CNIH3: variants seen among roughly 807,000 people sequenced by gnomAD.
CNIH3 encodes protein cornichon homolog 3.
Under a neutral mutation model 24.1 loss-of-function variants are expected in CNIH3, and 14 were observed. That is an observed-to-expected ratio of 0.58 (90% CI 0.38 to 0.91). CNIH3 has a LOEUF of 0.91. Ranked by LOEUF, CNIH3 falls within the 40% of genes least tolerant of loss-of-function variation. CNIH3 has a pLI of 0.00. For synonymous variants in CNIH3, 68 were observed against 73.8 expected (o/e 0.92, Z 0.40); for missense variants, 178 against 196.8 (o/e 0.90, Z 0.57).
At chr1:224,575,980 C>T (rs1380447316) in intron 4 of CNIH3, among the ~76,000 whole-genome samples, 6 of 152,102 alleles carry the variant, frequency 3.9e-5, no homozygotes, top group African/African-American at 7.2e-5. Flanking sequence ...AGATATGGAT[C>T]TTACAGCATC....
At chr1:224,474,667 G>C (rs949719749) in intron 1 of CNIH3, among the ~76,000 whole-genome samples, 8 of 152,010 alleles carry the variant, frequency 5.3e-5, no homozygotes, top group African/African-American at 1.9e-4. Flanking sequence ...CAAAAAGTTG[G>C]TTTTCTGAAA....
chr1:224,610,556 G>A (rs1682643980), intron 3 of CNIH3, among the ~76,000 whole-genome samples: 1 of 152,164 alleles, frequency 6.6e-6, no homozygotes. Context: ...GGCCTCCCCA[G>A]CCATGCTGAA....
chr1:224,548,571 A>C (rs2794808), intron 3 of CNIH3, among the ~76,000 whole-genome samples: 4 of 151,776 alleles, frequency 2.6e-5, no homozygotes, highest in Non-Finnish European at 4.4e-5. Context: ...GATATTATTC[A>C]TTATTTCTAA....
intron 1 of CNIH3, among the ~76,000 whole-genome samples, chr1:224,672,916 A>G (rs1306475298): frequency 6.6e-6 from 1 of 152,208 alleles, no homozygotes; most frequent in East Asian, 1.9e-4. Context: ...GCATGTGCCC[A>G]CTCATTAGAA....
intron 1 of CNIH3, among the ~76,000 whole-genome samples, chr1:224,438,131 A>C (rs1420545110): frequency 6.6e-6 from 1 of 151,892 alleles, no homozygotes; most frequent in African/African-American, 2.4e-5. Context: ...TCACCGTGTT[A>C]GCCAAGATGG....
In CNIH3 at chr1:224,588,602, C is replaced by A. The variant is rs538819836; in HGVS notation, n.862C>A. On this transcript the variant is annotated non_coding_transcript_exon_variant, in exon 6 of 6. Coordinates refer to the CNIH3 transcript ENST00000471578. The stretch of plus-strand genomic sequence containing the variant: ...GTTTCTGGTAGGATCTTTGCCACTA[C>A]TTAAAAAAAAAAAACAAGCATTTAA... The A allele has an allele frequency of 2.0e-5, 3 of 150,486 alleles. No individual in the cohort carries two copies. In the South Asian group the frequency reaches 6.3e-4, roughly 32 times the overall value. The allele number at this position is 150,486 out of a possible 1,614,324, so 9.3% of individuals were successfully genotyped here. A position where few individuals can be genotyped will look rare whatever the true frequency, so the allele number is the denominator to read the frequency against.
At chr1:224,491,485 AC>A (rs1478226276) in intron 1 of CNIH3, among the ~76,000 whole-genome samples, 1 of 152,244 alleles carries the variant, frequency 6.6e-6, no homozygotes, top group Non-Finnish European at 1.5e-5. Context: ...TATGTTTAAA[AC>A]AATGGCAATA....
At chr1:224,556,094 A>G (rs1204865320) in intron 3 of CNIH3, among the ~76,000 whole-genome samples, 1 of 151,816 alleles carries the variant, frequency 6.6e-6, no homozygotes, top group Admixed American at 6.6e-5. Context: ...ACTTGTTTCA[A>G]TTCTTTGCCT....
upstream of CNIH3, among the ~76,000 whole-genome samples, chr1:224,514,345 T>C (rs886648601): frequency 2.0e-5 from 3 of 152,208 alleles, no homozygotes; most frequent in Admixed American, 6.5e-5. Flanking sequence ...AAATATCATC[T>C]AGCCAGGGTT....
In CNIH3 at chr1:224,644,891, G is replaced by T. The variant is rs901062873; in HGVS notation, c.81+27636G>T. On this transcript the variant is annotated intron_variant, in intron 1 of 5. Coordinates refer to ENST00000272133, the MANE Select transcript of CNIH3 (RefSeq NM_152495.2). ...GTGCATGCACCTCCACTGAGCTGGG[G>T]GCACTGGAGAAGGACAGTGGCTTCT... Among the ~76,000 whole-genome samples the T allele has an allele frequency of 3.3e-5, 5 of 152,188 alleles. No homozygotes were observed. In the East Asian group the frequency reaches 9.6e-4, roughly 29 times the overall value.
At chr1:224,447,044 G>A (rs1479944034) in intron 1 of CNIH3, among the ~76,000 whole-genome samples, 1 of 152,146 alleles carries the variant, frequency 6.6e-6, no homozygotes, top group East Asian at 1.9e-4. Flanking sequence ...AATTGTGTTA[G>A]GGTTCTCCCG....
chr1:224,469,530 C>G (rs1367736189), intron 1 of CNIH3, among the ~76,000 whole-genome samples: 1 of 152,132 alleles, frequency 6.6e-6, no homozygotes, highest in African/African-American at 2.4e-5. Context: ...TTTATAGCGA[C>G]AGAGTCTTGC....
intron 1 of CNIH3, among the ~76,000 whole-genome samples, chr1:224,646,061 A>C (rs148591166): frequency 2.4e-4 from 37 of 152,332 alleles, no homozygotes; most frequent in African/African-American, 8.7e-4. Context: ...CAAGCACATA[A>C]TTATATGTGT....
chr1:224,588,977 T>A (rs1361989006), downstream of CNIH3, among the ~76,000 whole-genome samples: 1 of 150,130 alleles, frequency 6.7e-6, no homozygotes, highest in African/African-American at 2.5e-5. Context: ...TGTTTTTTTT[T>A]TTTTTTGGAG....
intron 1 of CNIH3, among the ~76,000 whole-genome samples, chr1:224,496,190 CT>C (rs1297688433): frequency 1.3e-5 from 2 of 152,182 alleles, no homozygotes; most frequent in Admixed American, 6.5e-5. Flanking sequence ...CTCAGGGCTG[CT>C]GCTTGCTGCC....
intron 4 of CNIH3, among the ~76,000 whole-genome samples, chr1:224,730,992 A>C (rs1437430342): frequency 3.9e-5 from 6 of 152,250 alleles, no homozygotes; most frequent in Non-Finnish European, 7.3e-5. Flanking sequence ...CAGTGAAAAA[A>C]GCCAGACACA....
intron 1 of CNIH3, among the ~76,000 whole-genome samples, chr1:224,471,309 C>T (rs1467778233): frequency 6.6e-6 from 1 of 152,018 alleles, no homozygotes; most frequent in Admixed American, 6.5e-5. Context: ...GGATTCCAGG[C>T]GTGAACCACA....
rs540998863 is a variant in CNIH3 at position 224,685,930 on chromosome 1, A to T, written c.198+1087A>T. Among the ~76,000 whole-genome samples, 8 of 152,336 alleles carry T rather than the reference A, an allele frequency of 5.3e-5. No homozygotes were observed. In the East Asian group the frequency reaches 1.5e-3, roughly 29 times the overall value. On this transcript the variant is annotated intron_variant, in intron 3 of 5. Coordinates refer to ENST00000272133, the MANE Select transcript of CNIH3 (RefSeq NM_152495.2). ...GGAATAAAGAATGATTAGGAAAATA[A>T]CATAATATGAATTCACAAATTTATA...
intron 1 of CNIH3, among the ~76,000 whole-genome samples, chr1:224,469,590 T>C (rs954764921): frequency 2.4e-4 from 36 of 152,164 alleles, no homozygotes; most frequent in African/African-American, 7.7e-4. Context: ...CTAATTGTAA[T>C]CTCAAACTTC....
Sources: allele counts gnomAD v4.1 joint callset (sites outside exome capture counted in the v4.1 genomes callset), GRCh38; gene constraint gnomAD v4.1.1; transcripts MANE v1.5; gene names NCBI Gene and HGNC (gene_info 2026-07-23, HGNC 2026-07-21).